SAMD12: variants seen among roughly 807,000 people sequenced by gnomAD.
SAMD12 encodes sterile alpha motif domain-containing protein 12.
In SAMD12, 9 loss-of-function variants were observed where a neutral mutation model predicts 15.0. That is an observed-to-expected ratio of 0.60 (90% CI 0.36 to 1.05). The LOEUF (loss-of-function observed/expected upper bound fraction) is 1.05, where lower values mean the gene tolerates loss of function less well. Among genes scored for constraint, SAMD12 ranks in the 50% least tolerant of loss-of-function variants. The pLI, the probability that SAMD12 is intolerant of heterozygous loss-of-function variation, is 0.01. For missense variants in SAMD12, 230 were observed against 234.2 expected (o/e 0.98, Z 0.12); for synonymous variants, 86 against 90.1 (o/e 0.96, Z 0.25).
chr8:118,561,839 A>G (rs1027837596), intron 2 of SAMD12, among the ~76,000 whole-genome samples: 1 of 152,156 alleles, frequency 6.6e-6, no homozygotes, highest in East Asian at 1.9e-4. Context: ...ACAACTCTCA[A>G]CCTGACTAGA....
chr8:118,400,111 C>G (rs1171476043), intron 3 of SAMD12, among the ~76,000 whole-genome samples: 1 of 152,180 alleles, frequency 6.6e-6, no homozygotes, highest in Non-Finnish European at 1.5e-5. Context: ...ATCATAAATA[C>G]CTATGTATGT....
At chr8:118,266,435 T>C (rs1813201339) in intron 4 of SAMD12, among the ~76,000 whole-genome samples, 1 of 152,262 alleles carries the variant, frequency 6.6e-6, no homozygotes, top group East Asian at 1.9e-4. Flanking sequence ...GTATGGAACT[T>C]CCTTAAAATC....
chr8:118,210,882 G>A (rs562720950), intron 4 of SAMD12, among the ~76,000 whole-genome samples: 3 of 152,174 alleles, frequency 2.0e-5, no homozygotes, highest in African/African-American at 7.2e-5. Context: ...ACATGATTTT[G>A]TTGAATGAAT....
intron 4 of SAMD12, among the ~76,000 whole-genome samples, chr8:118,266,085 T>C (rs1045068664): frequency 1.3e-5 from 2 of 152,202 alleles, no homozygotes; most frequent in Admixed American, 6.5e-5. Context: ...GCATGTCTTA[T>C]ATGGTGGCAG....
the SAMD12 span, among the ~76,000 whole-genome samples, chr8:118,136,325 T>G: frequency 6.6e-6 from 1 of 152,176 alleles, no homozygotes; most frequent in Non-Finnish European, 1.5e-5. Context: ...CCACCATGCC[T>G]GGCCTATCTG....
intron 4 of SAMD12, among the ~76,000 whole-genome samples, chr8:118,300,201 T>C (rs1814942540): frequency 6.6e-6 from 1 of 152,186 alleles, no homozygotes; most frequent in African/African-American, 2.4e-5. Context: ...TATTTGAAAC[T>C]ATATACTATT....
intron 2 of SAMD12, among the ~76,000 whole-genome samples, chr8:118,522,497 C>A (rs1462357985): frequency 6.6e-6 from 1 of 152,100 alleles, no homozygotes; most frequent in Non-Finnish European, 1.5e-5. Context: ...GGTCAGCAAA[C>A]ATAAGCTTTA....
chr8:118,433,453 G>A (rs1262822198), intron 3 of SAMD12, among the ~76,000 whole-genome samples: 2 of 149,924 alleles, frequency 1.3e-5, no homozygotes, highest in Admixed American at 6.7e-5. Context: ...ATCCTTGGAA[G>A]ACATCTAAAG....
intron 4 of SAMD12, among the ~76,000 whole-genome samples, chr8:118,296,668 T>G (rs1814730870): frequency 6.6e-6 from 1 of 152,232 alleles, no homozygotes; most frequent in Non-Finnish European, 1.5e-5. Flanking sequence ...GAGATTGGAA[T>G]AGAAACATGC....
intron 2 of SAMD12, among the ~76,000 whole-genome samples, chr8:118,469,097 T>C (rs1823684528): frequency 6.6e-6 from 1 of 152,124 alleles, no homozygotes; most frequent in Non-Finnish European, 1.5e-5. Context: ...TCTTCCGCCC[T>C]TCCTCCACAC....
intron 4 of SAMD12, among the ~76,000 whole-genome samples, chr8:118,272,976 C>T (rs535855215): frequency 3.2e-4 from 48 of 152,174 alleles, no homozygotes; most frequent in Non-Finnish European, 6.3e-4. Context: ...CCAACCTCTG[C>T]CTGTTACCCA....
intron 1 of SAMD12, among the ~76,000 whole-genome samples, chr8:118,598,555 AAC>A (rs1252847912): frequency 2.0e-5 from 3 of 152,232 alleles, no homozygotes; most frequent in Non-Finnish European, 2.9e-5. Context: ...CTAGCAGACT[AAC>A]ACAATATCCC....
chr8:118,332,042 G>A (rs1816830310), intron 4 of SAMD12, among the ~76,000 whole-genome samples: 1 of 152,030 alleles, frequency 6.6e-6, no homozygotes, highest in Admixed American at 6.6e-5. Flanking sequence ...GTGGGGTGGG[G>A]GAAAGGAATC....
Position 118,302,078 on chromosome 8 carries a change from G to GTTTTTTTTTTTTTTTTT in SAMD12, c.433+77465_433+77481dup, listed in dbSNP as rs58076997. On this transcript the variant is annotated intron_variant, in intron 4 of 4. Transcript: ENST00000409003. ...ATTTTCTAGCGCCAGATCTTTGAGAGTTTTTTTTTTTTTTTTTTTTTTTTT... is the reference window on the plus strand; with the variant it reads ...ATTTTCTAGCGCCAGATCTTTGAGAGTTTTTTTTTTTTTTTTTTTTTTTTTTTTTTTTTTTTTTTTTT... Among the ~76,000 whole-genome samples the GTTTTTTTTTTTTTTTTT allele has an allele frequency of 1.7e-3, 126 of 74,674 alleles. 25 individuals are homozygous for GTTTTTTTTTTTTTTTTT. The highest frequency in any genetic ancestry group is 6.2e-3 in the African/African-American group (89 of 14,288). 49.0% of individuals were successfully genotyped at this position (74,674 alleles called of 152,430 possible).
chr8:118,268,790 A>G (rs560552395), intron 4 of SAMD12, among the ~76,000 whole-genome samples: 8 of 152,268 alleles, frequency 5.3e-5, no homozygotes, highest in Admixed American at 3.3e-4. Context: ...CTCCAGCCTA[A>G]GCAACAAAGC....
intron 3 of SAMD12, 53 bp from the exon 4 acceptor site, chr8:118,379,753 A>C: frequency 6.3e-7 from 1 of 1,583,028 alleles, no homozygotes; most frequent in Non-Finnish European, 8.6e-7. Flanking sequence ...TTGCTGAAGA[A>C]AGATGTCCAT....
intron 2 of SAMD12, among the ~76,000 whole-genome samples, chr8:118,554,311 A>G (rs1414247559): frequency 6.6e-6 from 1 of 152,156 alleles, no homozygotes; most frequent in Non-Finnish European, 1.5e-5. Flanking sequence ...AGAATGGATT[A>G]AGAAAATGTG....
At chr8:118,177,396 T>C in the SAMD12 span, among the ~76,000 whole-genome samples, 1 of 151,972 alleles carries the variant, frequency 6.6e-6, no homozygotes, top group African/African-American at 2.4e-5. Context: ...ATGCACCATG[T>C]CCAGCTAACT....
chr8:118,368,628 G>C (rs1818922422), intron 4 of SAMD12, among the ~76,000 whole-genome samples: 3 of 152,146 alleles, frequency 2.0e-5, no homozygotes, highest in Admixed American at 6.5e-5. Context: ...ATTCAAAATG[G>C]CTTTGTAGCT....
Sources: allele counts gnomAD v4.1 joint callset (sites outside exome capture counted in the v4.1 genomes callset), GRCh38; gene constraint gnomAD v4.1.1; transcripts MANE v1.5; gene names NCBI Gene and HGNC (gene_info 2026-07-23, HGNC 2026-07-21).